Variants in TALDO1 observed in about 807,000 individuals in gnomAD.
TALDO1 encodes transaldolase.
TALDO1 carries 29 observed loss-of-function variants against 38.1 expected under a neutral mutation model. That is an observed-to-expected ratio of 0.76 (90% CI 0.57 to 1.04). The LOEUF (loss-of-function observed/expected upper bound fraction) is 1.04, where lower values mean the gene tolerates loss of function less well. TALDO1 is among the 50% of genes least tolerant of loss of function. The probability of loss-of-function intolerance (pLI) is 0.00; values close to 1 mark genes in which losing one functional copy is unlikely to be tolerated. For synonymous variants in TALDO1, 207 were observed against 176.8 expected, an observed-to-expected ratio of 1.17 and a Z score of -1.36; for missense variants, 499 against 438.1, an observed-to-expected ratio of 1.14 and a Z score of -1.24.
chr11:760,337 C>G (rs751957833), intron 4 of TALDO1, 84 bp downstream of exon 4: 1 of 1,588,292 alleles, frequency 6.3e-7, no homozygotes, highest in South Asian at 1.1e-5. Context: ...GCAAGTTTGA[C>G]TCTCTCAGCC....
chr11:763,601 C>G, intron 5 of TALDO1, 82 bp downstream of exon 5: 2 of 1,589,438 alleles, frequency 1.3e-6, no homozygotes, highest in Admixed American at 1.7e-5. Flanking sequence ...ACGGAGCTGC[C>G]GCATCAACAA....
Position 763,732 on chromosome 11 carries a change from T to G in TALDO1, c.638-15T>G. On this transcript the variant is annotated splice_polypyrimidine_tract_variant and intron_variant, in intron 5 of 7. Transcript: ENST00000319006. ...CTGCCGAAGCCTTCCTGGTCACAGC[T>G]TGGTCTCTTTCCAGGGGTAAAGAGT... 1 of 1,613,810 alleles carries G rather than the reference T, an allele frequency of 6.2e-7. No homozygotes were observed. The highest frequency in any genetic ancestry group is 8.5e-7 in the Non-Finnish European group (1 of 1,179,868).
intron 4 of TALDO1, 138 bp downstream of exon 4, chr11:760,391 T>G: frequency 7.6e-7 from 1 of 1,322,448 alleles, no homozygotes; most frequent in Non-Finnish European, 1.1e-6. Context: ...AGCTTGGACT[T>G]GACCAGCTCA....
chr11:764,706 A>T (rs752624790), intron 7 of TALDO1, 107 bp from the exon 8 acceptor site: 339 of 1,560,902 alleles, frequency 2.2e-4, no homozygotes, highest in Non-Finnish European at 2.9e-4. Flanking sequence ...CCCCACACAG[A>T]GTGCAGACCC....
chr11:750,605 A>G (rs949649578), intron 1 of TALDO1, among the ~76,000 whole-genome samples: 1 of 152,098 alleles, frequency 6.6e-6, no homozygotes, highest in Non-Finnish European at 1.5e-5. Context: ...CAGGCCGATC[A>G]TGAGGTCAGG....
chr11:751,150 C>T (rs1862743157), intron 1 of TALDO1, among the ~76,000 whole-genome samples: 1 of 151,950 alleles, frequency 6.6e-6, no homozygotes, highest in South Asian at 2.1e-4. Flanking sequence ...GCAGCCTTGA[C>T]CTCCTGGGCT....
chr11:755,776 C>T, intron 1 of TALDO1, 103 bp from the exon 2 acceptor site: 1 of 1,572,268 alleles, frequency 6.4e-7, no homozygotes, highest in Non-Finnish European at 8.7e-7. Flanking sequence ...CGGAAATGCT[C>T]TGGACTCCCC....
chr11:760,290 T>C (rs183289020), intron 4 of TALDO1, 37 bp downstream of exon 4: 10 of 1,611,298 alleles, frequency 6.2e-6, no homozygotes, highest in African/African-American at 1.3e-5. Flanking sequence ...CTCTCAGAGA[T>C]TTTTCCTCTG....
intron 2 of TALDO1, among the ~76,000 whole-genome samples, chr11:757,666 C>G (rs1053132655): frequency 6.6e-6 from 1 of 152,266 alleles, no homozygotes; most frequent in East Asian, 1.9e-4. Flanking sequence ...CAAGGCTGCT[C>G]AGATTTTGGA....
At chr11:760,608 T>TTA in intron 4 of TALDO1, 1 of 303,340 alleles carries the variant, frequency 3.3e-6, no homozygotes, top group South Asian at 3.1e-5. Flanking sequence ...TAAACTATTG[T>TTA]TATATAAAAT....
At chr11:751,848 A>ATG (rs1216168789) in intron 1 of TALDO1, among the ~76,000 whole-genome samples, 4 of 152,072 alleles carry the variant, frequency 2.6e-5, no homozygotes, top group Admixed American at 1.3e-4. Flanking sequence ...ATGGTAATTG[A>ATG]TGTGTGTGCA....
In TALDO1 at chr11:763,862, C is replaced by A; in HGVS notation, c.753C>A (p.Asp251Glu). The change falls in exon 6 of 8, where the codon GAC becomes GAA. Residue 251 changes from aspartate to glutamate, a missense_variant. Asp to Glu is a conservative substitution (Grantham distance 45). Transcript: ENST00000319006. Reference protein sequence around the residue: ...TGEIKALAGCDFLTISPKLLG... With the variant: ...TGEIKALAGCEFLTISPKLLG... ...AGATCAAAGCACTGGCCGGCTGTGA[C>A]TTCCTCACCATCTCACCCAAGCTCC... 6.2e-7 allele frequency: 1 copy of A among 1,613,938 alleles called. No individual in the cohort carries two copies. The highest frequency in any genetic ancestry group is 8.5e-7 in the Non-Finnish European group (1 of 1,180,016).
chr11:763,523 A>G lies in TALDO1; in HGVS notation c.637+4A>G, dbSNP rs1215849924. The G allele has an allele frequency of 6.2e-7, 1 of 1,613,388 alleles. No homozygotes were observed. Among genetic ancestry groups the G allele is most frequent in the Non-Finnish European group, 8.5e-7 (1 of 1,179,894 alleles). Reference sequence around the variant, plus strand: ...TATGAGCCCCTGGAAGACCCTGGTGAGGGTCCCTCTGTGGTAATGGGGTAA... The same window carrying G: ...TATGAGCCCCTGGAAGACCCTGGTGGGGGTCCCTCTGTGGTAATGGGGTAA... On this transcript the variant is annotated splice_donor_region_variant and intron_variant, in intron 5 of 7. Coordinates refer to ENST00000319006, the MANE Select transcript of TALDO1 (RefSeq NM_006755.2).
chr11:750,558 C>G (rs967728222), intron 1 of TALDO1, among the ~76,000 whole-genome samples: 4 of 151,984 alleles, frequency 2.6e-5, no homozygotes, highest in African/African-American at 9.7e-5. Flanking sequence ...GGTGTGGTGG[C>G]TCAAGCCTGT....
At chr11:748,706 A>G (rs937295887) in intron 1 of TALDO1, among the ~76,000 whole-genome samples, 2 of 152,198 alleles carry the variant, frequency 1.3e-5, no homozygotes, top group African/African-American at 4.8e-5. Context: ...TTAACCATAA[A>G]ATATGGGGAT....
chr11:749,306 G>C lies in TALDO1; in HGVS notation c.97+1728G>C, dbSNP rs185911089. 4.2e-3 allele frequency among the ~76,000 whole-genome samples: 635 copies of C among 151,062 alleles called. 8 individuals are homozygous for C. Among genetic ancestry groups the C allele is most frequent in the Non-Finnish European group, 6.6e-3 (446 of 67,936 alleles). ...TAATCCCAGCTACTTGGGAGGCTGA[G>C]GCAGGAGAATTGCTGAACCCAGAAG... On this transcript the variant is annotated intron_variant, in intron 1 of 7. Transcript: ENST00000319006.
At chr11:757,257 T>G (rs1862853116) in intron 2 of TALDO1, among the ~76,000 whole-genome samples, 1 of 151,960 alleles carries the variant, frequency 6.6e-6, no homozygotes, top group South Asian at 2.1e-4. Context: ...GATCAACAGA[T>G]GAGCCCTGCA....
At chr11:759,862 G>C (rs1278279801) in intron 3 of TALDO1, among the ~76,000 whole-genome samples, 4 of 152,230 alleles carry the variant, frequency 2.6e-5, no homozygotes, top group African/African-American at 9.6e-5. Context: ...TTACAGGCGT[G>C]AGCCACGGCA....
intron 4 of TALDO1, among the ~76,000 whole-genome samples, chr11:762,265 G>T (rs1464896536): frequency 6.6e-6 from 1 of 152,128 alleles, no homozygotes; most frequent in Non-Finnish European, 1.5e-5. Context: ...CACCTGGCCG[G>T]ACCATTTGTT....
Sources: allele counts gnomAD v4.1 joint callset (sites outside exome capture counted in the v4.1 genomes callset), GRCh38; gene constraint gnomAD v4.1.1; transcripts MANE v1.5; gene names NCBI Gene and HGNC (gene_info 2026-07-23, HGNC 2026-07-21).